Variants in KCNQ5 observed in about 807,000 individuals in gnomAD.
The protein encoded by KCNQ5 is potassium voltage-gated channel subfamily KQT member 5.
Under a neutral mutation model 98.2 loss-of-function variants are expected in KCNQ5, and 30 were observed. The ratio of observed to expected loss-of-function variants is 0.31; its 90% CI spans 0.23 to 0.41. The LOEUF (loss-of-function observed/expected upper bound fraction) is 0.41. Among genes scored for constraint, KCNQ5 ranks in the 10% least tolerant of loss-of-function variants. KCNQ5 has a pLI of 1.00. For synonymous variants in KCNQ5, 458 were observed against 449.4 expected, an observed-to-expected ratio of 1.02 and a Z score of -0.24; for missense variants, 835 against 1,182.5, an observed-to-expected ratio of 0.71 and a Z score of 4.31.
chr6:72,937,711 G>C (rs148860351), intron 1 of KCNQ5, among the ~76,000 whole-genome samples: 3 of 152,172 alleles, frequency 2.0e-5, no homozygotes, highest in Non-Finnish European at 4.4e-5. Context: ...AGAAAAATGT[G>C]TGTTACTCTT....
chr6:72,635,975 A>G (rs1219279186), intron 1 of KCNQ5, among the ~76,000 whole-genome samples: 1 of 152,008 alleles, frequency 6.6e-6, no homozygotes, highest in African/African-American at 2.4e-5. Context: ...TTCTTAGAAA[A>G]TAAGGAGTGA....
At chr6:72,899,325 C>T (rs1367347447) in intron 1 of KCNQ5, among the ~76,000 whole-genome samples, 1 of 152,162 alleles carries the variant, frequency 6.6e-6, no homozygotes, top group Non-Finnish European at 1.5e-5. Flanking sequence ...CAGCAACCAT[C>T]ATCCTTTCTT....
intron 5 of KCNQ5, among the ~76,000 whole-genome samples, chr6:73,082,702 T>A (rs896720715): frequency 2.0e-5 from 3 of 152,174 alleles, no homozygotes; most frequent in African/African-American, 7.2e-5. Flanking sequence ...GTATTTGTTT[T>A]AGAATAGAGT....
At chr6:73,031,012 T>C (rs1316552294) in intron 2 of KCNQ5, among the ~76,000 whole-genome samples, 2 of 152,216 alleles carry the variant, frequency 1.3e-5, no homozygotes, top group Non-Finnish European at 2.9e-5. Flanking sequence ...GGAGCCACTC[T>C]GGCTCCACCC....
chr6:72,982,131 G>A (rs1768492257), intron 1 of KCNQ5, among the ~76,000 whole-genome samples: 1 of 152,218 alleles, frequency 6.6e-6, no homozygotes, highest in Non-Finnish European at 1.5e-5. Context: ...TGTATATTCT[G>A]TTGATTTGGG....
chr6:72,850,513 C>T (rs572146012), intron 1 of KCNQ5, among the ~76,000 whole-genome samples: 1 of 152,324 alleles, frequency 6.6e-6, no homozygotes, highest in Admixed American at 6.5e-5. Flanking sequence ...AAAGACATCT[C>T]TGGTATGACT....
intron 5 of KCNQ5, among the ~76,000 whole-genome samples, chr6:73,087,210 G>C (rs769846314): frequency 1.6e-4 from 25 of 152,166 alleles, no homozygotes; most frequent in Non-Finnish European, 3.1e-4. Context: ...ATAGCAGCCT[G>C]GTCTACCATG....
rs1019448218 is a variant in KCNQ5 at position 72,738,523 on chromosome 6, G to A, written c.398+115936G>A. Among the ~76,000 whole-genome samples, 6 of 151,904 alleles carry A rather than the reference G, an allele frequency of 3.9e-5. No homozygotes were observed. In the East Asian group the frequency reaches 9.6e-4, roughly 24 times the overall value. ...GGTAAGACTTTCAGTTCACAGATTC[G>A]TTATAATATCTTATGTTTCTTTATT... On this transcript the variant is annotated intron_variant, in intron 1 of 13. Transcript: ENST00000370398.
At chr6:72,789,009 A>G (rs943968550) in intron 1 of KCNQ5, among the ~76,000 whole-genome samples, 3 of 152,226 alleles carry the variant, frequency 2.0e-5, no homozygotes, top group African/African-American at 7.2e-5. Context: ...TTAAATACCA[A>G]TGCCAAGCCC....
rs1776229557 is a variant in KCNQ5 at position 72,830,856 on chromosome 6, A to G, written c.399-173052A>G. Among the ~76,000 whole-genome samples the G allele has an allele frequency of 4.6e-5, 7 of 152,360 alleles. No homozygotes were observed. In the South Asian group the frequency reaches 1.2e-3, roughly 27 times the overall value. On this transcript the variant is annotated intron_variant, in intron 1 of 13. Coordinates refer to ENST00000370398, the MANE Select transcript of KCNQ5 (RefSeq NM_019842.4). ...CTCATCTGACAAAGGGCTAATATCC[A>G]GAATCTACAAAGAACTCAAACAAAT...
At chr6:73,089,883 A>C (rs1774162752) in intron 5 of KCNQ5, among the ~76,000 whole-genome samples, 1 of 152,184 alleles carries the variant, frequency 6.6e-6, no homozygotes. Flanking sequence ...ATGCATGTGC[A>C]AGTGTCTTCT....
At chr6:72,831,631 T>C (rs1161330288) in intron 1 of KCNQ5, among the ~76,000 whole-genome samples, 1 of 150,782 alleles carries the variant, frequency 6.6e-6, no homozygotes, top group African/African-American at 2.4e-5. Flanking sequence ...CTAATGTAAA[T>C]GACCAGTTAG....
At chr6:73,064,444 C>T (rs546944175) in intron 3 of KCNQ5, among the ~76,000 whole-genome samples, 30 of 152,176 alleles carry the variant, frequency 2.0e-4, no homozygotes, top group African/African-American at 7.2e-4. Context: ...ATAAGATATC[C>T]AAGCATGGAA....
intron 1 of KCNQ5, among the ~76,000 whole-genome samples, chr6:72,643,840 G>C (rs73533660): frequency 0.14 from 20,782 of 152,092 alleles, 1,505 homozygotes; most frequent in East Asian, 0.23. Flanking sequence ...AAAGATGTAA[G>C]CATAAGAATG....
At chr6:72,908,585 T>C (rs1779795152) in intron 1 of KCNQ5, among the ~76,000 whole-genome samples, 1 of 152,138 alleles carries the variant, frequency 6.6e-6, no homozygotes, top group South Asian at 2.1e-4. Context: ...TCCATTTAAC[T>C]ATGTCTCCAG....
intron 2 of KCNQ5, among the ~76,000 whole-genome samples, chr6:73,024,535 G>T (rs1770787419): frequency 6.6e-6 from 1 of 152,146 alleles, no homozygotes; most frequent in African/African-American, 2.4e-5. Context: ...CATCTGAAAT[G>T]AGGGATTGCT....
chr6:73,168,241 G>A (rs55756283), intron 10 of KCNQ5, among the ~76,000 whole-genome samples: 7,975 of 152,238 alleles, frequency 0.052, 743 homozygotes, highest in African/African-American at 0.18. Flanking sequence ...CTCAATGAAT[G>A]AACCTCCAAT....
intron 11 of KCNQ5, among the ~76,000 whole-genome samples, chr6:73,187,954 C>T (rs1184657634): frequency 6.6e-6 from 1 of 152,032 alleles, no homozygotes; most frequent in Non-Finnish European, 1.5e-5. Flanking sequence ...ATGGCAGATC[C>T]CCATTAGGGC....
intron 1 of KCNQ5, among the ~76,000 whole-genome samples, chr6:72,895,244 G>A (rs1007324800): frequency 2.7e-5 from 4 of 148,308 alleles, no homozygotes; most frequent in African/African-American, 5.0e-5. Flanking sequence ...AGCAGAGATC[G>A]CACCACTGCA....
Sources: gnomAD v4.1 joint callset for allele counts (sites outside exome capture counted in the v4.1 genomes callset) on GRCh38, gnomAD v4.1.1 for gene constraint, MANE v1.5 for transcripts, NCBI Gene and HGNC (gene_info 2026-07-23, HGNC 2026-07-21) for gene names.